ZBBX: variants seen among roughly 807,000 people sequenced by gnomAD.
The protein encoded by ZBBX is zinc finger B-box domain-containing protein 1.
In ZBBX, 101 loss-of-function variants were observed where a neutral mutation model predicts 108.5. That is an observed-to-expected ratio of 0.93 (90% CI 0.79 to 1.10). The LOEUF (loss-of-function observed/expected upper bound fraction) is 1.10, where lower values mean the gene tolerates loss of function less well. Among genes scored for constraint, ZBBX ranks in the 50% least tolerant of loss-of-function variants. ZBBX has a pLI of 0.00. For synonymous variants in ZBBX, 356 were observed against 323.4 expected (o/e 1.10, Z -1.08); for missense variants, 1,009 against 941.4 (o/e 1.07, Z -0.94).
chr3:167,274,417 T>A (rs1727103377), intron 20 of ZBBX, among the ~76,000 whole-genome samples: 1 of 152,180 alleles, frequency 6.6e-6, no homozygotes. Flanking sequence ...CCTATTCAGA[T>A]AAGCTTTTCC....
intron 18 of ZBBX, among the ~76,000 whole-genome samples, chr3:167,291,766 G>T (rs1730733126): frequency 6.6e-6 from 1 of 152,144 alleles, no homozygotes; most frequent in African/African-American, 2.4e-5. Context: ...CTCACAAATT[G>T]GATAAAGATT....
chr3:167,243,576 T>A lies in ZBBX; in HGVS notation c.2255-933A>T, dbSNP rs180833783. ...ACCACACCCGGCTAATTTTGTATTT[T>A]TAGTAGAGACGGGGTTTCTCCATGT... On this transcript the variant is annotated intron_variant, in intron 20 of 21. Transcript: ENST00000675490. 5.1e-3 allele frequency among the ~76,000 whole-genome samples: 778 copies of A among 152,148 alleles called. 5 individuals carry two copies. Among genetic ancestry groups the A allele is most frequent in the African/African-American group, 0.018 (745 of 41,498 alleles).
intron 11 of ZBBX, among the ~76,000 whole-genome samples, chr3:167,324,143 A>G (rs1016018362): frequency 2.0e-5 from 3 of 152,034 alleles, no homozygotes; most frequent in Admixed American, 1.3e-4. Context: ...AAAGCAAACA[A>G]AATTCTTTTT....
the ZBBX span, among the ~76,000 whole-genome samples, chr3:167,219,389 G>C: frequency 6.6e-6 from 1 of 151,832 alleles, no homozygotes. Flanking sequence ...CACAAAACAA[G>C]TCTTTAAAAG....
chr3:167,290,522 A>T (rs868337030), intron 18 of ZBBX, among the ~76,000 whole-genome samples: 2 of 152,162 alleles, frequency 1.3e-5, no homozygotes, highest in Non-Finnish European at 2.9e-5. Flanking sequence ...TCAACAAAAA[A>T]AACATCCACT....
chr3:167,344,311 C>A (rs73030669), intron 9 of ZBBX, among the ~76,000 whole-genome samples: 1,937 of 151,854 alleles, frequency 0.013, 47 homozygotes, highest in African/African-American at 0.044. Context: ...TTAGCAGTAA[C>A]CATACTAAAA....
At chr3:167,239,539 CCTT>C (rs1263209321), downstream of ZBBX, among the ~76,000 whole-genome samples, 2 of 152,000 alleles carry the variant, frequency 1.3e-5, no homozygotes, top group South Asian at 2.1e-4. Context: ...ATTTTCTCCT[CCTT>C]ATGATTTTCT....
chr3:167,286,601 T>C (rs997421204), intron 19 of ZBBX, among the ~76,000 whole-genome samples: 1 of 152,072 alleles, frequency 6.6e-6, no homozygotes, highest in Non-Finnish European at 1.5e-5. Context: ...TAATCTTGAA[T>C]AGTGAAGGTA....
intron 12 of ZBBX, among the ~76,000 whole-genome samples, chr3:167,318,436 C>T (rs1194436716): frequency 6.6e-6 from 1 of 151,916 alleles, no homozygotes; most frequent in Non-Finnish European, 1.5e-5. Context: ...GAGGATGAGA[C>T]TGAGACACAA....
intron 18 of ZBBX, 40 bp from the exon 19 acceptor site, chr3:167,289,023 A>C (rs1051065731): frequency 7.0e-7 from 1 of 1,425,508 alleles, no homozygotes. Flanking sequence ...AAGTTTGAAA[A>C]GAAGAAAATC....
chr3:167,262,210 G>C (rs1007025916), intron 20 of ZBBX, among the ~76,000 whole-genome samples: 1 of 152,128 alleles, frequency 6.6e-6, no homozygotes, highest in Non-Finnish European at 1.5e-5. Context: ...GTGGGTCGGG[G>C]GGGGCGTCTC....
At chr3:167,334,079 C>A in intron 9 of ZBBX, 94 bp from the exon 10 acceptor site, 1 of 814,280 alleles carries the variant, frequency 1.2e-6, no homozygotes, top group South Asian at 3.3e-5. Context: ...TCTATGACTC[C>A]CAGAATTAAA....
chr3:167,386,618 T>C (rs1219664731), intron 1 of ZBBX, among the ~76,000 whole-genome samples: 1 of 152,088 alleles, frequency 6.6e-6, no homozygotes, highest in Non-Finnish European at 1.5e-5. Context: ...CTTAGTTTAT[T>C]TGCTTTAAGT....
the ZBBX span, among the ~76,000 whole-genome samples, chr3:167,190,483 CCATTCTCCCGCCT>C: frequency 6.6e-6 from 1 of 151,390 alleles, no homozygotes; most frequent in Non-Finnish European, 1.5e-5. Flanking sequence ...CGGGTTCATG[CCATTCTCCCGCCT>C]CATTCTCCCG....
chr3:167,185,497 A>T, the ZBBX span, among the ~76,000 whole-genome samples: 1 of 152,156 alleles, frequency 6.6e-6, no homozygotes, highest in East Asian at 1.9e-4. Context: ...ACAAAATAAA[A>T]ATCGTGGATT....
At chr3:167,265,458 C>T (rs1333478169) in intron 20 of ZBBX, among the ~76,000 whole-genome samples, 2 of 152,152 alleles carry the variant, frequency 1.3e-5, no homozygotes, top group Non-Finnish European at 2.9e-5. Context: ...AGCCAAGAAG[C>T]AAGACAAAGC....
the ZBBX span, among the ~76,000 whole-genome samples, chr3:167,232,537 A>C: frequency 3.3e-5 from 5 of 151,846 alleles, no homozygotes; most frequent in Non-Finnish European, 5.9e-5. Context: ...TGTGTGAGAC[A>C]GACTTGAGTT....
chr3:167,402,113 A>T (rs73879700), intron 1 of ZBBX, among the ~76,000 whole-genome samples: 4,646 of 152,202 alleles, frequency 0.031, 243 homozygotes, highest in African/African-American at 0.11. Flanking sequence ...GGTCTGAAAG[A>T]CTACCAAGCA....
At chr3:167,267,186 G>A (rs1725674343) in intron 20 of ZBBX, among the ~76,000 whole-genome samples, 4 of 152,164 alleles carry the variant, frequency 2.6e-5, no homozygotes, top group Non-Finnish European at 5.9e-5. Context: ...GGCCCTTTGG[G>A]GGTCCCGTCA....
Sources: gnomAD v4.1 joint callset for allele counts (sites outside exome capture counted in the v4.1 genomes callset) on GRCh38, gnomAD v4.1.1 for gene constraint, MANE v1.5 for transcripts, NCBI Gene and HGNC (gene_info 2026-07-23, HGNC 2026-07-21) for gene names.